Variants in WWOX observed in about 807,000 individuals in gnomAD.
The protein encoded by WWOX is WW domain containing oxidoreductase.
A neutral mutation model predicts 46.2 loss-of-function variants in WWOX; 69 were observed. The ratio of observed to expected loss-of-function variants is 1.49; its 90% CI spans 1.23 to 1.82. The LOEUF is 1.82. WWOX is among the 40% of genes most tolerant of loss of function. WWOX has a pLI of 0.00. For synonymous variants in WWOX, 359 were observed against 202.6 expected, an observed-to-expected ratio of 1.77 and a Z score of -6.56; for missense variants, 919 against 542.6, an observed-to-expected ratio of 1.69 and a Z score of -6.89.
intron 8 of WWOX, among the ~76,000 whole-genome samples, chr16:78,585,318 G>C (rs889927964): frequency 1.3e-5 from 2 of 152,174 alleles, no homozygotes; most frequent in Non-Finnish European, 2.9e-5. Context: ...ATCTTAGGTC[G>C]AATGGAGACC....
chr16:78,313,075 A>G (rs1269067514), intron 5 of WWOX, among the ~76,000 whole-genome samples: 1 of 152,170 alleles, frequency 6.6e-6, no homozygotes, highest in East Asian at 1.9e-4. Context: ...TTCTTTTTCA[A>G]CATCTGAGTA....
At chr16:78,245,799 C>T (rs568885913) in intron 5 of WWOX, among the ~76,000 whole-genome samples, 2 of 152,240 alleles carry the variant, frequency 1.3e-5, no homozygotes, top group Admixed American at 6.5e-5. Context: ...TATTCTTCCT[C>T]GACAATAGCT....
intron 8 of WWOX, among the ~76,000 whole-genome samples, chr16:78,829,124 ATGGATG>A (rs368931886): frequency 1.4e-5 from 2 of 144,090 alleles, no homozygotes; most frequent in East Asian, 2.0e-4. Flanking sequence ...GGATGGATGG[ATGGATG>A]GAGAGAGAGA....
intron 8 of WWOX, among the ~76,000 whole-genome samples, chr16:78,709,747 T>G (rs544430242): frequency 1.5e-4 from 23 of 151,760 alleles, no homozygotes; most frequent in East Asian, 9.7e-4. Context: ...TTTTTTTTTT[T>G]TGTGATAATC....
At chr16:78,729,700 A>G (rs1356660223) in intron 8 of WWOX, among the ~76,000 whole-genome samples, 3 of 152,160 alleles carry the variant, frequency 2.0e-5, no homozygotes, top group Non-Finnish European at 4.4e-5. Flanking sequence ...TGTTGTGTGT[A>G]GGCACCCAGT....
intron 8 of WWOX, among the ~76,000 whole-genome samples, chr16:78,458,122 C>G (rs1233423066): frequency 1.3e-5 from 2 of 151,970 alleles, no homozygotes; most frequent in Non-Finnish European, 1.5e-5. Flanking sequence ...TTCGTATCCC[C>G]TTGTTTCTAG....
At chr16:78,527,419 G>A (rs2043502389) in intron 8 of WWOX, among the ~76,000 whole-genome samples, 1 of 151,250 alleles carries the variant, frequency 6.6e-6, no homozygotes, top group Non-Finnish European at 1.5e-5. Flanking sequence ...TTGGGCCCCT[G>A]AGTAGCTGGG....
At chr16:78,823,371 C>T (rs1479742282) in intron 8 of WWOX, among the ~76,000 whole-genome samples, 2 of 152,142 alleles carry the variant, frequency 1.3e-5, no homozygotes, top group Non-Finnish European at 2.9e-5. Context: ...AGACTCCCAC[C>T]CCATCCCATC....
intron 8 of WWOX, among the ~76,000 whole-genome samples, chr16:78,816,573 C>G (rs557777087): frequency 2.3e-5 from 3 of 131,352 alleles, no homozygotes; most frequent in African/African-American, 6.0e-5. Context: ...AAAGCCTGGC[C>G]GTTTGTCTTT....
intron 8 of WWOX, among the ~76,000 whole-genome samples, chr16:78,626,472 T>G (rs1336327384): frequency 6.6e-6 from 1 of 152,206 alleles, no homozygotes; most frequent in Admixed American, 6.5e-5. Context: ...CTCATGAGTT[T>G]ACTGGAGTTA....
At chr16:78,923,955 A>T (rs1460568459) in intron 8 of WWOX, among the ~76,000 whole-genome samples, 4 of 151,834 alleles carry the variant, frequency 2.6e-5, no homozygotes, top group Non-Finnish European at 5.9e-5. Flanking sequence ...GCCCGCCACC[A>T]CGCCTGGCTA....
intron 8 of WWOX, among the ~76,000 whole-genome samples, chr16:78,465,763 C>G (rs1469816710): frequency 6.6e-6 from 1 of 152,144 alleles, no homozygotes; most frequent in Non-Finnish European, 1.5e-5. Context: ...AGTGTAATCA[C>G]CTTATTTTTT....
intron 8 of WWOX, among the ~76,000 whole-genome samples, chr16:78,732,305 C>T (rs1048172053): frequency 7.2e-5 from 11 of 152,120 alleles, no homozygotes; most frequent in Admixed American, 6.6e-4. Context: ...GATGCTTACC[C>T]TCAAAATTTG....
intron 8 of WWOX, among the ~76,000 whole-genome samples, chr16:79,128,522 C>G (rs183479330): frequency 1.3e-5 from 2 of 152,206 alleles, no homozygotes; most frequent in East Asian, 3.9e-4. Flanking sequence ...GGTCACACAG[C>G]TATTAAGGAA....
At chr16:78,438,391 T>C (rs1156502211) in intron 8 of WWOX, among the ~76,000 whole-genome samples, 2 of 152,136 alleles carry the variant, frequency 1.3e-5, no homozygotes, top group East Asian at 1.9e-4. Context: ...TATGCAGTTA[T>C]GCTTCCTTTT....
At chr16:78,693,727 G>T (rs116602935) in intron 8 of WWOX, among the ~76,000 whole-genome samples, 2,134 of 152,148 alleles carry the variant, frequency 0.014, 37 homozygotes, top group African/African-American at 0.049. Context: ...GCACAGGGTG[G>T]CCCTTACCAC....
At chr16:78,849,539 A>T (rs553868830) in intron 8 of WWOX, among the ~76,000 whole-genome samples, 2 of 136,386 alleles carry the variant, frequency 1.5e-5, no homozygotes, top group South Asian at 4.7e-4. Flanking sequence ...GTGACACTGC[A>T]CTCCGGCCTG....
intron 5 of WWOX, among the ~76,000 whole-genome samples, chr16:78,176,965 T>C (rs1460196219): frequency 6.6e-6 from 1 of 152,222 alleles, no homozygotes; most frequent in African/African-American, 2.4e-5. Context: ...GTCCCTGACC[T>C]GCAGCATCAG....
chr16:78,181,872 A>G (rs2035541889), intron 5 of WWOX, among the ~76,000 whole-genome samples: 1 of 152,132 alleles, frequency 6.6e-6, no homozygotes, highest in South Asian at 2.1e-4. Flanking sequence ...GATAAACTGG[A>G]GGTATGGAAG....
Sources: allele counts gnomAD v4.1 joint callset (sites outside exome capture counted in the v4.1 genomes callset), GRCh38; gene constraint gnomAD v4.1.1; transcripts MANE v1.5; gene names NCBI Gene and HGNC (gene_info 2026-07-23, HGNC 2026-07-21).